The following CCSER2 variants were observed in gnomAD, a reference collection of about 807,000 sequenced individuals.
The protein encoded by CCSER2 is coiled-coil serine rich protein 2.
A neutral mutation model predicts 92.3 loss-of-function variants in CCSER2; 46 were observed. That is an observed-to-expected ratio of 0.50 (90% CI 0.39 to 0.64). The LOEUF (loss-of-function observed/expected upper bound fraction) is 0.64. CCSER2 is among the 30% of genes least tolerant of loss of function. The pLI is 0.00. For synonymous variants in CCSER2, 433 were observed against 431.4 expected (o/e 1.00, Z -0.04); for missense variants, 1,244 against 1,238.9 (o/e 1.00, Z -0.06).
intron 6 of CCSER2, among the ~76,000 whole-genome samples, chr10:84,462,079 A>C (rs1589732328): frequency 6.6e-6 from 1 of 152,078 alleles, no homozygotes. Flanking sequence ...CTAGTCTGGG[A>C]CCTGGGAAGT....
At chr10:84,396,287 AACTAT>A (rs977100740) in intron 3 of CCSER2, among the ~76,000 whole-genome samples, 44 of 150,486 alleles carry the variant, frequency 2.9e-4, no homozygotes, top group African/African-American at 1.0e-3. Context: ...TATATACCAT[AACTAT>A]ACTATATTTA....
intron 5 of CCSER2, among the ~76,000 whole-genome samples, chr10:84,436,325 C>CA (rs1160681619): frequency 0.025 from 362 of 14,328 alleles, 96 homozygotes; most frequent in Non-Finnish European, 0.031. Flanking sequence ...GACTCCGTCT[C>CA]AAAAAAAAAA....
In CCSER2 at chr10:84,513,848, C is replaced by T; in HGVS notation, c.2725C>T (p.Pro909Ser). 3 of 1,536,260 alleles carry T rather than the reference C, an allele frequency of 2.0e-6. No homozygotes were observed. The South Asian group carries it at 3.6e-5, about 18-fold the overall frequency. The change falls in exon 10 of 10, where the codon CCG (proline) becomes TCG (serine). Residue 909 changes from proline (P) to serine (S), a missense_variant. Transcript: ENST00000372088. ...TAAGAGAGTTGGAAGAAATCAGTCT[C>T]CGCCAGTGGGTTATATGTCTCAGCC... The part of the protein sequence containing the change: ...QAKRVGRNQS[P>S]PVGYMSQPKS...
rs1371808723 is a variant in CCSER2, at chr10:84,440,185, G to A, written c.2064+1478G>A. Among the ~76,000 whole-genome samples the A allele has an allele frequency of 2.0e-5, 3 of 152,250 alleles. No homozygotes were observed. In the South Asian group the frequency reaches 6.2e-4, roughly 32 times the overall value. On this transcript the variant is annotated intron_variant, in intron 6 of 9. Transcript: ENST00000372088. Reference sequence around the variant, plus strand: ...AAAAAAGTGTTTTTTGAGGTTCTTTGTGTAAAGTTGTAAATCTCTTAATGG... The same window carrying A: ...AAAAAAGTGTTTTTTGAGGTTCTTTATGTAAAGTTGTAAATCTCTTAATGG...
rs546623435 is a variant in CCSER2, at chr10:84,474,138, A to T, written c.2236-3437A>T. ...ATACCATAGTTAAATAATAGTTCAG[A>T]TACATTTCTCATTGACTCTTCAGAA... On this transcript the variant is annotated intron_variant, in intron 8 of 9. Coordinates refer to ENST00000372088, the MANE Select transcript of CCSER2 (RefSeq NM_001284240.2). Among the ~76,000 whole-genome samples the T allele has an allele frequency of 4.6e-5, 7 of 152,316 alleles. No individual in the cohort carries two copies. The East Asian group carries it at 1.4e-3, about 29-fold the overall frequency.
chr10:84,483,416 G>A (rs1247303888), intron 9 of CCSER2, among the ~76,000 whole-genome samples: 1 of 150,940 alleles, frequency 6.6e-6, no homozygotes, highest in Non-Finnish European at 1.5e-5. Context: ...AAAAGACTTA[G>A]GTTTTTGGGC....
At chr10:84,362,688 A>C (rs1845564005) in intron 1 of CCSER2, among the ~76,000 whole-genome samples, 1 of 152,230 alleles carries the variant, frequency 6.6e-6, no homozygotes, top group African/African-American at 2.4e-5. Flanking sequence ...TCATATTGAT[A>C]CAATAAAGAG....
intron 3 of CCSER2, among the ~76,000 whole-genome samples, chr10:84,405,433 G>A (rs1842330185): frequency 6.6e-6 from 1 of 152,022 alleles, no homozygotes; most frequent in African/African-American, 2.4e-5. Flanking sequence ...TATGCCAAAA[G>A]CATGATCCAT....
chr10:84,499,365 A>G (rs954630382), intron 9 of CCSER2, among the ~76,000 whole-genome samples: 2 of 151,958 alleles, frequency 1.3e-5, no homozygotes, highest in Admixed American at 1.3e-4. Context: ...TCAACTCCTG[A>G]CCTCGTGATC....
chr10:84,500,552 G>C (rs1299951371), intron 9 of CCSER2, among the ~76,000 whole-genome samples: 1 of 152,144 alleles, frequency 6.6e-6, no homozygotes, highest in Non-Finnish European at 1.5e-5. Context: ...AATATGCATG[G>C]TTTACTAACA....
At chr10:84,419,681 C>T (rs1487143490) in intron 4 of CCSER2, among the ~76,000 whole-genome samples, 1 of 152,084 alleles carries the variant, frequency 6.6e-6, no homozygotes, top group East Asian at 1.9e-4. Context: ...CAGCTGAGTT[C>T]TAGTGCTGAA....
intron 4 of CCSER2, among the ~76,000 whole-genome samples, chr10:84,422,777 A>G (rs1356165332): frequency 6.6e-6 from 1 of 152,078 alleles, no homozygotes; most frequent in Non-Finnish European, 1.5e-5. Flanking sequence ...TCTCTGGGTC[A>G]GGGGCGGTGG....
At chr10:84,465,265 G>A (rs1846332759) in intron 7 of CCSER2, among the ~76,000 whole-genome samples, 1 of 140,208 alleles carries the variant, frequency 7.1e-6, no homozygotes, top group Non-Finnish European at 1.5e-5. Flanking sequence ...GTGTGTGTGT[G>A]TGTGTGTGTG....
At chr10:84,425,685 TG>T (rs752248733) in intron 4 of CCSER2, 45 bp from the exon 5 acceptor site, 1 of 1,352,502 alleles carries the variant, frequency 7.4e-7, no homozygotes, top group South Asian at 1.8e-5. Context: ...TCAACTTTTA[TG>T]GAGTATGTAC....
intron 9 of CCSER2, among the ~76,000 whole-genome samples, chr10:84,484,159 G>A (rs895680423): frequency 6.6e-6 from 1 of 151,040 alleles, no homozygotes; most frequent in South Asian, 2.1e-4. Flanking sequence ...ATTTTTTTTA[G>A]TAGAGACGGG....
At chr10:84,501,834 A>AAAATATAT (rs1167460274) in intron 9 of CCSER2, among the ~76,000 whole-genome samples, 12 of 40,156 alleles carry the variant, frequency 3.0e-4, no homozygotes, top group African/African-American at 4.2e-4. Context: ...AAAAAAAAAA[A>AAAATATAT]ATATATATAT....
intron 3 of CCSER2, among the ~76,000 whole-genome samples, chr10:84,396,203 G>A (rs1321043328): frequency 6.6e-6 from 1 of 151,066 alleles, no homozygotes; most frequent in Non-Finnish European, 1.5e-5. Flanking sequence ...GTGTGTGTGT[G>A]TGTGTGTGTG....
At chr10:84,483,816 T>G (rs1847601647) in intron 9 of CCSER2, among the ~76,000 whole-genome samples, 1 of 145,972 alleles carries the variant, frequency 6.9e-6, no homozygotes, top group Admixed American at 6.9e-5. Context: ...AGATGGAATC[T>G]CTCTCTCTTG....
At position 84,477,789 on chromosome 10, in the gene CCSER2, AT is replaced by A. The variant is rs149406749; in HGVS notation, c.2325+128del. ...ATGGCTGTTAATTTTTTTGTAGGTA[AT>A]TTATTTTTGCTTGTCTCTTAGGTGT... On this transcript the variant is annotated intron_variant, in intron 9 of 9. Coordinates refer to ENST00000372088, the MANE Select transcript of CCSER2 (RefSeq NM_001284240.2). 8.1e-4 allele frequency: 473 copies of A among 586,156 alleles called. 2 individuals are homozygous for A. The African/African-American group carries it at 8.1e-3, about 10-fold the overall frequency. The allele number at this position is 586,156 out of a possible 1,614,324, so 36.3% of individuals were successfully genotyped here. A position where few individuals can be genotyped will look rare whatever the true frequency, so the allele number is the denominator to read the frequency against.
Sources: allele counts gnomAD v4.1 joint callset (sites outside exome capture counted in the v4.1 genomes callset), GRCh38; gene constraint gnomAD v4.1.1; transcripts MANE v1.5; gene names NCBI Gene and HGNC (gene_info 2026-07-23, HGNC 2026-07-21).